CFAP299: variants seen among roughly 807,000 people sequenced by gnomAD.
The protein encoded by CFAP299 is cilia- and flagella-associated protein 299.
Under a neutral mutation model 27.0 loss-of-function variants are expected in CFAP299, and 21 were observed. The ratio of observed to expected loss-of-function variants is 0.78; its 90% CI spans 0.55 to 1.12. The LOEUF is 1.12. Ranked by LOEUF, CFAP299 falls within the 50% of genes most tolerant of loss-of-function variation. The pLI is 0.00. For synonymous variants in CFAP299, 104 were observed against 98.1 expected (o/e 1.06, Z -0.36); for missense variants, 310 against 276.6 (o/e 1.12, Z -0.86).
At chr4:80,340,917 AGGTAT>A (rs1325369765) in intron 1 of CFAP299, among the ~76,000 whole-genome samples, 3 of 152,102 alleles carry the variant, frequency 2.0e-5, no homozygotes, top group Non-Finnish European at 2.9e-5. Flanking sequence ...CTGGAATTAC[AGGTAT>A]GCACCACCAC....
At chr4:80,486,822 G>A (rs1251975267) in intron 2 of CFAP299, among the ~76,000 whole-genome samples, 1 of 152,186 alleles carries the variant, frequency 6.6e-6, no homozygotes, top group Non-Finnish European at 1.5e-5. Flanking sequence ...TCACAGATCC[G>A]TTAAAAAGCC....
At chr4:80,936,225 G>A (rs577756924) in intron 4 of CFAP299, among the ~76,000 whole-genome samples, 162 of 152,242 alleles carry the variant, frequency 1.1e-3, no homozygotes, top group African/African-American at 3.8e-3. Flanking sequence ...GTGGAAAACA[G>A]CGTGCTGATT....
At chr4:80,549,191 T>G (rs1193821222) in intron 2 of CFAP299, among the ~76,000 whole-genome samples, 1 of 151,996 alleles carries the variant, frequency 6.6e-6, no homozygotes, top group Non-Finnish European at 1.5e-5. Flanking sequence ...ACACACACAA[T>G]TTTTAAACTA....
rs563436339 is a variant in CFAP299 at position 80,809,671 on chromosome 4, A to C, written c.334-60322A>C. On this transcript the variant is annotated intron_variant, in intron 3 of 5. Transcript: ENST00000358105. ...CACTAGTCATTGGTGCAAATTTACA[A>C]ATTCTCTGTTTTCATGATGTTACAC... is the stretch of plus-strand genomic sequence containing the variant. Among the ~76,000 whole-genome samples, 189 of 152,150 alleles carry C rather than the reference A, an allele frequency of 1.2e-3. 1 individual carries two copies. The highest frequency in any genetic ancestry group is 4.2e-3 in the African/African-American group (175 of 41,522).
At chr4:80,472,180 G>A (rs1286507308) in intron 2 of CFAP299, among the ~76,000 whole-genome samples, 1 of 152,126 alleles carries the variant, frequency 6.6e-6, no homozygotes, top group East Asian at 1.9e-4. Flanking sequence ...ACAGACTGAA[G>A]ATATTTCCCC....
intron 3 of CFAP299, among the ~76,000 whole-genome samples, chr4:80,798,758 T>G (rs551299774): frequency 2.6e-5 from 4 of 152,214 alleles, no homozygotes; most frequent in African/African-American, 7.2e-5. Context: ...CAATCAGCTT[T>G]ATTATATTCC....
chr4:80,861,842 T>C (rs888767135), intron 3 of CFAP299, among the ~76,000 whole-genome samples: 28 of 152,254 alleles, frequency 1.8e-4, no homozygotes, highest in Admixed American at 1.0e-3. Context: ...TGTATAAATA[T>C]TTTGTATTGG....
chr4:80,462,131 G>A (rs545722682), intron 2 of CFAP299, among the ~76,000 whole-genome samples: 3 of 152,108 alleles, frequency 2.0e-5, no homozygotes, highest in South Asian at 4.1e-4. Context: ...AGACAAATGG[G>A]CATTCAAAAC....
intron 3 of CFAP299, among the ~76,000 whole-genome samples, chr4:80,855,440 T>C (rs2110152058): frequency 6.6e-6 from 1 of 152,278 alleles, no homozygotes; most frequent in East Asian, 1.9e-4. Flanking sequence ...AGTTTTATGG[T>C]ACATGTGCAC....
intron 3 of CFAP299, among the ~76,000 whole-genome samples, chr4:80,738,661 TC>T (rs200834963): frequency 0.012 from 1,614 of 137,300 alleles, 34 homozygotes; most frequent in African/African-American, 0.046. Context: ...AATCATTGGG[TC>T]TTTTTTTTTT....
At chr4:80,741,634 G>C (rs997072123) in intron 3 of CFAP299, among the ~76,000 whole-genome samples, 2 of 152,134 alleles carry the variant, frequency 1.3e-5, no homozygotes, top group Admixed American at 6.6e-5. Context: ...AATTGCATGA[G>C]ATATACTGCC....
At chr4:80,636,374 T>C (rs1375862815) in intron 3 of CFAP299, among the ~76,000 whole-genome samples, 2 of 152,266 alleles carry the variant, frequency 1.3e-5, no homozygotes, top group East Asian at 3.9e-4. Flanking sequence ...TTATAAAAGT[T>C]TATTTTTCAA....
At chr4:80,399,446 G>T (rs1040727954) in intron 2 of CFAP299, among the ~76,000 whole-genome samples, 1 of 152,104 alleles carries the variant, frequency 6.6e-6, no homozygotes, top group Non-Finnish European at 1.5e-5. Flanking sequence ...CAACCCAAAT[G>T]TCCATCAATG....
intron 3 of CFAP299, among the ~76,000 whole-genome samples, chr4:80,611,067 T>C (rs1193301685): frequency 6.6e-6 from 1 of 152,082 alleles, no homozygotes; most frequent in African/African-American, 2.4e-5. Context: ...GACAGTCATG[T>C]TATTCCTGTC....
chr4:80,506,335 G>A (rs1233601098), intron 2 of CFAP299, among the ~76,000 whole-genome samples: 1 of 152,022 alleles, frequency 6.6e-6, no homozygotes, highest in Non-Finnish European at 1.5e-5. Context: ...ATATTCATAT[G>A]GTTGTTATTA....
chr4:80,536,971 A>C (rs546828716), intron 2 of CFAP299, among the ~76,000 whole-genome samples: 52 of 152,276 alleles, frequency 3.4e-4, no homozygotes, highest in Non-Finnish European at 6.0e-4. Context: ...CAAAGGATTA[A>C]TATATAAGGA....
chr4:80,471,568 G>C (rs1381570847), intron 2 of CFAP299, among the ~76,000 whole-genome samples: 4 of 129,378 alleles, frequency 3.1e-5, no homozygotes, highest in Non-Finnish European at 6.7e-5. Flanking sequence ...AGACTCAGCA[G>C]GGCGGGGGTG....
At chr4:80,366,118 G>T (rs1723821782) in intron 2 of CFAP299, among the ~76,000 whole-genome samples, 2 of 152,190 alleles carry the variant, frequency 1.3e-5, no homozygotes, top group Admixed American at 1.3e-4. Flanking sequence ...CCAGCAGATG[G>T]TGTCCTAGAG....
At chr4:80,456,625 A>G (rs1729174528) in intron 2 of CFAP299, among the ~76,000 whole-genome samples, 1 of 152,182 alleles carries the variant, frequency 6.6e-6, no homozygotes. Context: ...TAAGAGAAGG[A>G]TACATGGAGG....
Sources: allele counts gnomAD v4.1 joint callset (sites outside exome capture counted in the v4.1 genomes callset), GRCh38; gene constraint gnomAD v4.1.1; transcripts MANE v1.5; gene names NCBI Gene and HGNC (gene_info 2026-07-23, HGNC 2026-07-21).